Variants in TMC1 observed in about 807,000 individuals in gnomAD.
TMC1 encodes transmembrane channel like 1, also known as transmembrane channel-like protein 1.
TMC1 carries 84 observed loss-of-function variants against 105.8 expected under a neutral mutation model. That is an observed-to-expected ratio of 0.79 (90% CI 0.67 to 0.95). The LOEUF is 0.95. TMC1 is among the 40% of genes least tolerant of loss of function. The pLI, the probability that TMC1 is intolerant of heterozygous loss-of-function variation, is 0.00. For missense variants in TMC1, 817 were observed against 914.1 expected (o/e 0.89, Z 1.37); for synonymous variants, 315 against 311.5 (o/e 1.01, Z -0.12).
rs1824035004 is a variant in TMC1, at chr9:72,560,916, G to T, written c.-427-16986G>T. Among the ~76,000 whole-genome samples the T allele has an allele frequency of 2.0e-5, 3 of 152,072 alleles. No individual in the cohort carries two copies. The South Asian group carries it at 6.2e-4, about 32-fold the overall frequency. On this transcript the variant is annotated intron_variant, in intron 1 of 23. Transcript: ENST00000297784. ...CTGATGACATCAGATTTCTGTAGGGGTACCTATTAGCTAGAGATACTTAGA... is the reference window on the plus strand; with the variant it reads ...CTGATGACATCAGATTTCTGTAGGGTTACCTATTAGCTAGAGATACTTAGA...
chr9:72,709,550 T>C (rs1826799357), intron 8 of TMC1, among the ~76,000 whole-genome samples: 1 of 152,138 alleles, frequency 6.6e-6, no homozygotes, highest in African/African-American at 2.4e-5. Context: ...TCAGGGTTTC[T>C]AATTCTGATT....
At chr9:72,736,282 T>C (rs1827295918) in intron 8 of TMC1, among the ~76,000 whole-genome samples, 1 of 152,218 alleles carries the variant, frequency 6.6e-6, no homozygotes, top group Non-Finnish European at 1.5e-5. Context: ...ACAAAAACTT[T>C]ATTAATGCCA....
At chr9:72,610,056 T>C (rs1177625999) in intron 2 of TMC1, among the ~76,000 whole-genome samples, 3 of 152,168 alleles carry the variant, frequency 2.0e-5, no homozygotes, top group Admixed American at 1.3e-4. Context: ...CCATTTTGCA[T>C]ACCTAGCACA....
At chr9:72,738,929 C>T (rs1302047851) in intron 8 of TMC1, among the ~76,000 whole-genome samples, 2 of 152,002 alleles carry the variant, frequency 1.3e-5, no homozygotes, top group African/African-American at 4.8e-5. Flanking sequence ...TCTGCAGCCC[C>T]CGAGAGCTGA....
At chr9:72,576,920 C>T (rs567467856) in intron 1 of TMC1, among the ~76,000 whole-genome samples, 4 of 152,220 alleles carry the variant, frequency 2.6e-5, no homozygotes, top group East Asian at 1.9e-4. Context: ...TGAGCCACCG[C>T]GCCCGGTGCC....
At chr9:72,692,164 T>G in intron 6 of TMC1, among the ~76,000 whole-genome samples, 1 of 152,294 alleles carries the variant, frequency 6.6e-6, no homozygotes, top group East Asian at 1.9e-4. Flanking sequence ...CTCTCATTGG[T>G]TCCTAACCAG....
At chr9:72,565,647 G>A (rs904573324) in intron 1 of TMC1, among the ~76,000 whole-genome samples, 2 of 152,012 alleles carry the variant, frequency 1.3e-5, no homozygotes. Context: ...TGCCCGAGAC[G>A]GTAATTTATA....
At chr9:72,767,313 C>T (rs983296426) in intron 12 of TMC1, among the ~76,000 whole-genome samples, 1 of 152,144 alleles carries the variant, frequency 6.6e-6, no homozygotes, top group Non-Finnish European at 1.5e-5. Flanking sequence ...AAAAGAGTTA[C>T]TAAGAATGAA....
intron 7 of TMC1, among the ~76,000 whole-genome samples, chr9:72,699,543 A>T (rs1564498857): frequency 1.3e-5 from 2 of 152,210 alleles, no homozygotes; most frequent in Non-Finnish European, 2.9e-5. Context: ...ATTTAAACGA[A>T]ATGTAGAATT....
At chr9:72,684,096 G>A (rs1328853463) in intron 5 of TMC1, among the ~76,000 whole-genome samples, 2 of 151,940 alleles carry the variant, frequency 1.3e-5, no homozygotes, top group South Asian at 4.2e-4. Context: ...TAAAACTGAG[G>A]AATTAATAAT....
At chr9:72,525,043 G>A (rs1483409399) in intron 1 of TMC1, among the ~76,000 whole-genome samples, 1 of 152,186 alleles carries the variant, frequency 6.6e-6, no homozygotes, top group Non-Finnish European at 1.5e-5. Context: ...GGTCCAGAAG[G>A]CCGGCTTCAA....
At chr9:72,638,945 T>A (rs1475542780) in intron 4 of TMC1, among the ~76,000 whole-genome samples, 1 of 152,224 alleles carries the variant, frequency 6.6e-6, no homozygotes, top group Non-Finnish European at 1.5e-5. Flanking sequence ...TAATACTCAT[T>A]TACTTCTGAA....
At chr9:72,537,675 G>C (rs568018556) in intron 1 of TMC1, among the ~76,000 whole-genome samples, 1 of 152,242 alleles carries the variant, frequency 6.6e-6, no homozygotes, top group African/African-American at 2.4e-5. Context: ...TACATTTTAG[G>C]GAGACAGAAG....
At chr9:72,655,407 C>T (rs1031436284) in intron 5 of TMC1, among the ~76,000 whole-genome samples, 50 of 152,158 alleles carry the variant, frequency 3.3e-4, no homozygotes, top group Non-Finnish European at 1.3e-4. Context: ...TTTCACTCTT[C>T]CATAGTTTCT....
chr9:72,795,413 A>G (rs1199799053), intron 17 of TMC1, among the ~76,000 whole-genome samples: 8 of 152,184 alleles, frequency 5.3e-5, no homozygotes, highest in Non-Finnish European at 1.2e-4. Flanking sequence ...CAGGTCACCT[A>G]CAGAGAGAAC....
chr9:72,594,135 G>A (rs1026852913), intron 2 of TMC1, among the ~76,000 whole-genome samples: 3 of 152,220 alleles, frequency 2.0e-5, no homozygotes, highest in African/African-American at 7.2e-5. Context: ...GTTAACAGGA[G>A]AAAAATATAT....
At chr9:72,780,288 A>T (rs1033735752) in intron 13 of TMC1, among the ~76,000 whole-genome samples, 1 of 152,246 alleles carries the variant, frequency 6.6e-6, no homozygotes, top group Non-Finnish European at 1.5e-5. Context: ...AAAAACTGTT[A>T]CCAACTACCA....
intron 11 of TMC1, among the ~76,000 whole-genome samples, chr9:72,752,640 A>G (rs1827599596): frequency 6.6e-6 from 1 of 152,190 alleles, no homozygotes; most frequent in African/African-American, 2.4e-5. Flanking sequence ...ACTCATATGA[A>G]GTTAAATGAT....
chr9:72,806,308 C>A (rs1467207416), intron 18 of TMC1, among the ~76,000 whole-genome samples: 3 of 145,526 alleles, frequency 2.1e-5, no homozygotes, highest in Non-Finnish European at 3.0e-5. Context: ...CGGGCAGAGG[C>A]GCCCCTCACC....
Sources: gnomAD v4.1 joint callset for allele counts (sites outside exome capture counted in the v4.1 genomes callset) on GRCh38, gnomAD v4.1.1 for gene constraint, MANE v1.5 for transcripts, NCBI Gene and HGNC (gene_info 2026-07-23, HGNC 2026-07-21) for gene names.